STPG2: variants seen among roughly 807,000 people sequenced by gnomAD.
STPG2 encodes the protein sperm-tail PG-rich repeat-containing protein 2.
In STPG2, 56 loss-of-function variants were observed where a neutral mutation model predicts 54.2. The observed-to-expected ratio is 1.03, with a 90% CI of 0.83 to 1.29. The LOEUF is 1.29. Among genes scored for constraint, STPG2 ranks in the 50% most tolerant of loss-of-function variants. The probability of loss-of-function intolerance (pLI) is 0.00; values close to 1 mark genes in which losing one functional copy is unlikely to be tolerated. For synonymous variants in STPG2, 200 were observed against 181.8 expected (o/e 1.10, Z -0.81); for missense variants, 596 against 544.9 (o/e 1.09, Z -0.93).
chr4:98,032,975 A>C (rs1434904465), intron 5 of STPG2, among the ~76,000 whole-genome samples: 1 of 152,216 alleles, frequency 6.6e-6, no homozygotes, highest in Non-Finnish European at 1.5e-5. Flanking sequence ...CTAAATGCTC[A>C]CAAGAGAAAG....
chr4:97,811,215 T>C (rs1727730671), intron 9 of STPG2, among the ~76,000 whole-genome samples: 1 of 151,842 alleles, frequency 6.6e-6, no homozygotes, highest in Admixed American at 6.6e-5. Context: ...AAAAAATCCG[T>C]TGGAGACAAA....
At chr4:98,040,920 T>C (rs550264712) in intron 5 of STPG2, among the ~76,000 whole-genome samples, 7 of 151,564 alleles carry the variant, frequency 4.6e-5, no homozygotes, top group Non-Finnish European at 7.4e-5. Context: ...AGAATCAACA[T>C]TGAATCAAAA....
intron 8 of STPG2, among the ~76,000 whole-genome samples, chr4:97,942,579 GA>G (rs986800872): frequency 8.1e-4 from 122 of 150,288 alleles, no homozygotes; most frequent in African/African-American, 2.8e-3. Context: ...TAATGCCTCA[GA>G]AAAAAAAATA....
At chr4:97,580,257 T>C (rs1410860142) in intron 10 of STPG2, among the ~76,000 whole-genome samples, 1 of 151,964 alleles carries the variant, frequency 6.6e-6, no homozygotes, top group Non-Finnish European at 1.5e-5. Flanking sequence ...TTTTAGAAGA[T>C]ACCTTATCAG....
At chr4:98,137,436 GTT>G (rs1740164470) in intron 1 of STPG2, among the ~76,000 whole-genome samples, 1 of 151,736 alleles carries the variant, frequency 6.6e-6, no homozygotes, top group Non-Finnish European at 1.5e-5. Context: ...TTTGCTTTTT[GTT>G]TTTGTTTTCC....
intron 9 of STPG2, among the ~76,000 whole-genome samples, chr4:97,742,563 G>GTATA (rs1400378092): frequency 4.2e-5 from 5 of 119,338 alleles, no homozygotes; most frequent in African/African-American, 1.3e-4. Context: ...GTGTGTGTGT[G>GTATA]TGTCTATATA....
At chr4:97,973,892 G>C (rs1734419368) in intron 6 of STPG2, among the ~76,000 whole-genome samples, 1 of 152,186 alleles carries the variant, frequency 6.6e-6, no homozygotes. Context: ...TGTGCAGTTA[G>C]AGCCACCACA....
intron 4 of STPG2, among the ~76,000 whole-genome samples, chr4:97,543,297 T>C (rs1295278398): frequency 6.6e-6 from 1 of 151,782 alleles, no homozygotes; most frequent in African/African-American, 2.4e-5. Flanking sequence ...TTTTCTGACT[T>C]ATTATTAAAG....
chr4:97,484,203 A>T lies in STPG2; in HGVS notation c.462+228496T>A, dbSNP rs186007976. Among the ~76,000 whole-genome samples, 554 of 151,818 alleles carry T rather than the reference A, an allele frequency of 3.6e-3. 2 individuals carry two copies. Among genetic ancestry groups the T allele is most frequent in the African/African-American group, 0.013 (525 of 41,488 alleles). ...AAGTCAAACCCAAACCCAGAAGAAG[A>T]AAGGAAACATGAAAATCAGAGCAGA... On this transcript the variant is annotated intron_variant, in intron 4 of 4. Coordinates refer to the STPG2 transcript ENST00000522676.
intron 8 of STPG2, among the ~76,000 whole-genome samples, chr4:97,846,381 C>T (rs1390435422): frequency 6.6e-6 from 1 of 151,976 alleles, no homozygotes; most frequent in Non-Finnish European, 1.5e-5. Flanking sequence ...AATCCCAGCA[C>T]TTTGGGAGGC....
intron 10 of STPG2, among the ~76,000 whole-genome samples, chr4:97,615,990 T>C (rs1326259762): frequency 7.2e-6 from 1 of 138,244 alleles, no homozygotes; most frequent in East Asian, 2.1e-4. Flanking sequence ...TAAGCTGAGA[T>C]CACGCCACTG....
chr4:97,703,304 G>A (rs1037257515), intron 10 of STPG2, among the ~76,000 whole-genome samples: 99 of 150,582 alleles, frequency 6.6e-4, no homozygotes, highest in African/African-American at 2.4e-3. Flanking sequence ...AAAAGAACTC[G>A]ATCCTTAATA....
intron 6 of STPG2, among the ~76,000 whole-genome samples, chr4:97,979,692 C>G (rs7687901): frequency 1.3e-5 from 2 of 151,056 alleles, no homozygotes; most frequent in Non-Finnish European, 2.9e-5. Flanking sequence ...TAAAGACCAG[C>G]CTGGGCAACG....
At chr4:97,854,996 T>C (rs985943787) in intron 8 of STPG2, among the ~76,000 whole-genome samples, 3 of 152,174 alleles carry the variant, frequency 2.0e-5, no homozygotes, top group Non-Finnish European at 4.4e-5. Flanking sequence ...AGTGAGAACA[T>C]GCGATATTTA....
At chr4:98,100,449 C>A (rs1157376426) in intron 5 of STPG2, among the ~76,000 whole-genome samples, 1 of 151,964 alleles carries the variant, frequency 6.6e-6, no homozygotes, top group East Asian at 1.9e-4. Context: ...AATCTGAAAT[C>A]TTGAGAAACA....
chr4:97,576,267 A>C (rs564981100), intron 10 of STPG2, among the ~76,000 whole-genome samples: 1 of 149,972 alleles, frequency 6.7e-6, no homozygotes, highest in African/African-American at 2.5e-5. Flanking sequence ...AACTATACTA[A>C]TATATATGGA....
intron 4 of STPG2, among the ~76,000 whole-genome samples, chr4:97,519,498 T>C (rs1323505755): frequency 6.6e-6 from 1 of 151,838 alleles, no homozygotes; most frequent in Non-Finnish European, 1.5e-5. Flanking sequence ...AAATTTCCCC[T>C]ATTGTGAGAA....
At chr4:97,625,878 T>C (rs1734126169) in intron 10 of STPG2, among the ~76,000 whole-genome samples, 1 of 152,212 alleles carries the variant, frequency 6.6e-6, no homozygotes. Context: ...GGACATCCAT[T>C]AGATACTGTT....
intron 4 of STPG2, among the ~76,000 whole-genome samples, chr4:97,534,007 T>A (rs1024996993): frequency 2.0e-5 from 3 of 152,190 alleles, no homozygotes; most frequent in Non-Finnish European, 4.4e-5. Flanking sequence ...GAGGTTGAAC[T>A]ATTTTACATT....
Sources: allele counts gnomAD v4.1 joint callset (sites outside exome capture counted in the v4.1 genomes callset), GRCh38; gene constraint gnomAD v4.1.1; transcripts MANE v1.5; gene names NCBI Gene and HGNC (gene_info 2026-07-23, HGNC 2026-07-21).